The following ACYP2 variants were observed in gnomAD, a reference collection of about 807,000 sequenced individuals.
ACYP2 encodes acylphosphatase-2.
ACYP2 carries 12 observed loss-of-function variants against 11.2 expected under a neutral mutation model. The ratio of observed to expected loss-of-function variants is 1.08; its 90% CI spans 0.69 to 1.74. ACYP2 has a LOEUF of 1.74. ACYP2 is among the 40% of genes most tolerant of loss of function. ACYP2 has a pLI of 0.00. For synonymous variants in ACYP2, 43 were observed against 32.2 expected (o/e 1.33, Z -1.13); for missense variants, 134 against 101.9 (o/e 1.31, Z -1.35).
chr2:54,106,521 G>T lies in ACYP2; in HGVS notation c.278-28932G>T, dbSNP rs796477994. 3.9e-5 allele frequency among the ~76,000 whole-genome samples: 6 copies of T among 152,144 alleles called. 1 individual carries two copies. Among genetic ancestry groups the T allele is most frequent in the African/African-American group, 1.4e-4 (6 of 41,502 alleles). On this transcript the variant is annotated intron_variant, in intron 4 of 6. Transcript: ENST00000607452. ...TCTTTATGAAAAGCTAATTTTAAAG[G>T]ATATAGTAGATGCATATGCTGTCAA...
chr2:54,147,593 T>G (rs1681955058), intron 6 of ACYP2, among the ~76,000 whole-genome samples: 1 of 152,170 alleles, frequency 6.6e-6, no homozygotes. Context: ...GGCTCAGTCA[T>G]AGCTCACTGC....
chr2:54,108,210 T>G (rs1156607129), intron 4 of ACYP2, among the ~76,000 whole-genome samples: 1 of 152,236 alleles, frequency 6.6e-6, no homozygotes, highest in Non-Finnish European at 1.5e-5. Flanking sequence ...ATTTTAATTC[T>G]GCTGGTGGAA....
At chr2:54,223,747 T>C (rs1685893437) in intron 6 of ACYP2, among the ~76,000 whole-genome samples, 1 of 152,240 alleles carries the variant, frequency 6.6e-6, no homozygotes, top group Admixed American at 6.5e-5. Context: ...ATTTCTAATA[T>C]AATTTTAATT....
intron 2 of ACYP2, among the ~76,000 whole-genome samples, chr2:54,004,504 G>A (rs1323259631): frequency 2.0e-5 from 3 of 146,566 alleles, no homozygotes; most frequent in Admixed American, 1.4e-4. Flanking sequence ...TCTGTCTTCC[G>A]GGTTCACACC....
At chr2:54,194,320 A>G (rs1190152004) in intron 6 of ACYP2, among the ~76,000 whole-genome samples, 1 of 152,114 alleles carries the variant, frequency 6.6e-6, no homozygotes, top group East Asian at 1.9e-4. Flanking sequence ...GATTACAGGC[A>G]TGAGCCACCG....
intron 4 of ACYP2, among the ~76,000 whole-genome samples, chr2:54,069,954 C>G (rs913820650): frequency 2.6e-5 from 4 of 152,126 alleles, no homozygotes; most frequent in Non-Finnish European, 4.4e-5. Context: ...AGTTAAATCT[C>G]AAGATGTTTT....
chr2:54,231,195 C>G (rs860058), intron 6 of ACYP2, among the ~76,000 whole-genome samples: 36,571 of 152,042 alleles, frequency 0.24, 4,714 homozygotes, highest in South Asian at 0.4. Flanking sequence ...TACATGACAA[C>G]AAGCTGTACC....
intron 6 of ACYP2, among the ~76,000 whole-genome samples, chr2:54,228,227 A>G (rs193173682): frequency 5.3e-5 from 8 of 152,350 alleles, no homozygotes; most frequent in Non-Finnish European, 8.8e-5. Flanking sequence ...TAGTAGATAT[A>G]TAAGATCAGG....
At chr2:54,114,547 G>C (rs1177514686) in intron 4 of ACYP2, among the ~76,000 whole-genome samples, 1 of 152,166 alleles carries the variant, frequency 6.6e-6, no homozygotes, top group African/African-American at 2.4e-5. Context: ...AGCTGGGTGA[G>C]GTGGCGCATG....
chr2:53,978,878 G>A (rs1221760030), intron 2 of ACYP2, among the ~76,000 whole-genome samples: 1 of 152,050 alleles, frequency 6.6e-6, no homozygotes, highest in Non-Finnish European at 1.5e-5. Context: ...AGCTGAGATC[G>A]TGCCACTGCA....
chr2:53,984,024 G>A (rs1671890774), intron 2 of ACYP2, among the ~76,000 whole-genome samples: 1 of 152,124 alleles, frequency 6.6e-6, no homozygotes, highest in South Asian at 2.1e-4. Flanking sequence ...GTAGGGGCAT[G>A]ACACAAGGAG....
intron 6 of ACYP2, among the ~76,000 whole-genome samples, chr2:54,288,241 A>G (rs545618356): frequency 6.6e-6 from 1 of 152,148 alleles, no homozygotes; most frequent in East Asian, 1.9e-4. Flanking sequence ...CCCTAGAAAC[A>G]GAAACAGACT....
At chr2:54,109,329 A>G (rs114942293) in intron 4 of ACYP2, among the ~76,000 whole-genome samples, 2,166 of 152,064 alleles carry the variant, frequency 0.014, 50 homozygotes, top group African/African-American at 0.047. Context: ...TAAATATCGT[A>G]TGTTCTCACT....
At chr2:54,029,469 G>T in intron 2 of ACYP2, 1 of 328,570 alleles carries the variant, frequency 3.0e-6, no homozygotes, top group Non-Finnish European at 5.8e-6. Context: ...ACACATATAT[G>T]TGTATATATG....
intron 4 of ACYP2, among the ~76,000 whole-genome samples, chr2:54,072,556 T>A (rs1370577673): frequency 3.5e-5 from 4 of 113,568 alleles, no homozygotes; most frequent in Admixed American, 9.1e-5. Flanking sequence ...CCTTCATTAT[T>A]TTCTTTCTTC....
rs1299240022 is a variant in ACYP2 at position 54,013,273 on chromosome 2, G to A, written c.63-37685G>A. ...ATCTAATATGTGTGTGTGTGTGTGTGTGTGTGTGTGTGTGTGTGTGTGTGT... is the reference window on the plus strand; with the variant it reads ...ATCTAATATGTGTGTGTGTGTGTGTATGTGTGTGTGTGTGTGTGTGTGTGT... On this transcript the variant is annotated intron_variant, in intron 2 of 6. Coordinates refer to ENST00000607452, the MANE Select transcript of ACYP2 (RefSeq NM_001320586.2). Among the ~76,000 whole-genome samples the A allele has an allele frequency of 2.0e-3, 248 of 126,690 alleles. 5 individuals carry two copies. Among genetic ancestry groups the A allele is most frequent in the East Asian group, 0.018 (87 of 4,828 alleles). 83.1% of individuals were successfully genotyped at this position (126,690 alleles called of 152,430 possible).
chr2:54,281,955 A>G (rs1045594929), intron 6 of ACYP2, among the ~76,000 whole-genome samples: 33 of 152,184 alleles, frequency 2.2e-4, no homozygotes, highest in Middle Eastern at 3.2e-3. Flanking sequence ...AAGCATCATT[A>G]CTGTTTATTT....
At chr2:54,063,666 A>T (rs985445248) in intron 4 of ACYP2, among the ~76,000 whole-genome samples, 3 of 152,248 alleles carry the variant, frequency 2.0e-5, no homozygotes, top group Middle Eastern at 3.2e-3. Context: ...ATTCCTTTAG[A>T]TGAGGGGGTG....
chr2:54,021,386 G>C (rs1289261963), intron 2 of ACYP2, among the ~76,000 whole-genome samples: 3 of 152,110 alleles, frequency 2.0e-5, no homozygotes, highest in Non-Finnish European at 4.4e-5. Flanking sequence ...TGAAGAACAG[G>C]GGAGCTGAAC....
Sources: allele counts gnomAD v4.1 joint callset (sites outside exome capture counted in the v4.1 genomes callset), GRCh38; gene constraint gnomAD v4.1.1; transcripts MANE v1.5; gene names NCBI Gene and HGNC (gene_info 2026-07-23, HGNC 2026-07-21).